The following LRRFIP1 variants were observed in gnomAD, a reference collection of about 807,000 sequenced individuals.
LRRFIP1 encodes LRR binding FLII interacting protein 1, also known as leucine-rich repeat flightless-interacting protein 1.
Under a neutral mutation model 104.4 loss-of-function variants are expected in LRRFIP1, and 62 were observed. The ratio of observed to expected loss-of-function variants is 0.59; its 90% CI spans 0.48 to 0.73. The LOEUF (loss-of-function observed/expected upper bound fraction) is 0.73, where lower values mean the gene tolerates loss of function less well. LRRFIP1 is among the 30% of genes least tolerant of loss of function. LRRFIP1 has a pLI of 0.00. For missense variants in LRRFIP1, 796 were observed against 824.5 expected (o/e 0.97, Z 0.42); for synonymous variants, 300 against 299.0 (o/e 1.00, Z -0.03).
intron 11 of LRRFIP1, among the ~76,000 whole-genome samples, chr2:237,742,877 G>T (rs2057304749): frequency 6.6e-6 from 1 of 152,150 alleles, no homozygotes; most frequent in Admixed American, 6.5e-5. Flanking sequence ...AGCAGGCAGT[G>T]CTCTGAGGCA....
At chr2:237,643,735 G>GATGAATGAATGAATGA (rs58632926) in intron 1 of LRRFIP1, among the ~76,000 whole-genome samples, 17 of 151,522 alleles carry the variant, frequency 1.1e-4, no homozygotes, top group African/African-American at 4.1e-4. Context: ...TACAGGAACA[G>GATGAATGAATGAATGA]ATGAATGAAT....
At chr2:237,671,466 G>C (rs78406444) in intron 1 of LRRFIP1, among the ~76,000 whole-genome samples, 26 of 152,192 alleles carry the variant, frequency 1.7e-4, no homozygotes, top group African/African-American at 5.8e-4. Flanking sequence ...AGTTGGAGAC[G>C]TTTAAATCAG....
rs142691595 is a variant in LRRFIP1, at chr2:237,757,333, G to C, written c.1132-123G>C. 3.2e-3 allele frequency: 2,026 copies of C among 639,866 alleles called. 28 individuals are homozygous for C. The East Asian group carries it at 0.038, about 12-fold the overall frequency. 39.6% of individuals were successfully genotyped at this position (639,866 alleles called of 1,614,324 possible). The stretch of plus-strand genomic sequence containing the variant: ...CTAGAATGCTGACAATGAGTTCAGG[G>C]TTGATGAGGTGAAAGAGTGCTTGCG... On this transcript the variant is annotated intron_variant, in intron 16 of 23. Coordinates refer to ENST00000308482, the MANE Select transcript of LRRFIP1 (RefSeq NM_001137550.2).
At chr2:237,664,207 G>A (rs930152544) in intron 1 of LRRFIP1, among the ~76,000 whole-genome samples, 3 of 152,252 alleles carry the variant, frequency 2.0e-5, no homozygotes, top group African/African-American at 4.8e-5. Context: ...GCTTAGTCCT[G>A]GCTGGGGCCG....
At chr2:237,679,010 C>G (rs911160504) in intron 1 of LRRFIP1, among the ~76,000 whole-genome samples, 1 of 152,170 alleles carries the variant, frequency 6.6e-6, no homozygotes, top group Non-Finnish European at 1.5e-5. Flanking sequence ...ACTTGCCCAG[C>G]GCTGAAGACT....
chr2:237,681,204 C>G (rs996315555), intron 1 of LRRFIP1, among the ~76,000 whole-genome samples: 2 of 152,140 alleles, frequency 1.3e-5, no homozygotes, highest in Non-Finnish European at 2.9e-5. Context: ...AGTCCAAGTT[C>G]CTTAACCTGC....
At chr2:237,632,095 C>T (rs985185491) in intron 1 of LRRFIP1, among the ~76,000 whole-genome samples, 2 of 152,036 alleles carry the variant, frequency 1.3e-5, no homozygotes, top group African/African-American at 4.8e-5. Flanking sequence ...TGAGCCACGG[C>T]CACACAGGAG....
intron 1 of LRRFIP1, among the ~76,000 whole-genome samples, chr2:237,647,452 A>G (rs7596620): frequency 0.52 from 79,022 of 151,798 alleles, 21,535 homozygotes; most frequent in African/African-American, 0.64. Context: ...AGAAAAGGGG[A>G]AAAAGAGCCC....
rs1186293273 is a variant in LRRFIP1 at position 237,711,971 on chromosome 2, G to A, written c.184-2288G>A. Among the ~76,000 whole-genome samples, 1 of 152,210 alleles carries A rather than the reference G, an allele frequency of 6.6e-6. No homozygotes were observed. Among genetic ancestry groups the A allele is most frequent in the African/African-American group, 2.4e-5 (1 of 41,462 alleles). Reference sequence around the variant, plus strand: ...GTCTTTGCAAGGCGGCAGCATTCCTGTTTAAAGTTTATGTCTGCTTCTTCA... The same window carrying A: ...GTCTTTGCAAGGCGGCAGCATTCCTATTTAAAGTTTATGTCTGCTTCTTCA... On this transcript the variant is annotated intron_variant, in intron 2 of 23. Coordinates refer to ENST00000308482, the MANE Select transcript of LRRFIP1 (RefSeq NM_001137550.2). This position sits in a 1 kb window ranked among gnomAD's most constrained non-coding sequence, Gnocchi z 4.4.
intron 10 of LRRFIP1, among the ~76,000 whole-genome samples, chr2:237,736,333 CAT>C (rs1275312640): frequency 1.3e-5 from 2 of 152,182 alleles, no homozygotes. Flanking sequence ...CACTATATAA[CAT>C]ATTTTTCCCA....
At chr2:237,669,359 G>C (rs1426435503) in intron 1 of LRRFIP1, among the ~76,000 whole-genome samples, 1 of 152,182 alleles carries the variant, frequency 6.6e-6, no homozygotes, top group Non-Finnish European at 1.5e-5. Flanking sequence ...ACAGGATTAA[G>C]TACTGTGATT....
Position 237,690,663 on chromosome 2 carries a change from G to A in LRRFIP1, c.97-17881G>A, listed in dbSNP as rs569497940. ...GAGGCAGGAGAATCGCTGGAACCCG[G>A]GAGGCAGAGGTCGCGGTGAGCCGAG... On this transcript the variant is annotated intron_variant, in intron 1 of 23. Transcript: ENST00000308482. Among the ~76,000 whole-genome samples, 109 of 151,806 alleles carry A rather than the reference G, an allele frequency of 7.2e-4. 1 individual carries two copies. The highest frequency in any genetic ancestry group is 1.6e-3 in the Admixed American group (24 of 15,234).
intron 1 of LRRFIP1, among the ~76,000 whole-genome samples, chr2:237,707,183 T>C (rs1053245151): frequency 2.6e-5 from 4 of 151,872 alleles, no homozygotes; most frequent in Non-Finnish European, 2.9e-5. Context: ...ATTTGTAATA[T>C]AGTGTAAGTC....
intron 1 of LRRFIP1, among the ~76,000 whole-genome samples, chr2:237,631,031 A>AG (rs1301963164): frequency 4.6e-5 from 7 of 152,184 alleles, no homozygotes. Context: ...CCTGTGGCAA[A>AG]GGGGGGTGGG....
intron 4 of LRRFIP1, among the ~76,000 whole-genome samples, chr2:237,718,808 G>A (rs963311322): frequency 6.6e-6 from 1 of 152,120 alleles, no homozygotes; most frequent in Admixed American, 6.5e-5. Context: ...CACACTTACT[G>A]TATTGAAAAT....
chr2:237,705,881 C>T (rs978870682), intron 1 of LRRFIP1, among the ~76,000 whole-genome samples: 5 of 152,188 alleles, frequency 3.3e-5, no homozygotes, highest in South Asian at 4.1e-4. Context: ...CTCAGCTCAT[C>T]GAGGCCCCCT....
chr2:237,701,430 G>T (rs1425756195), intron 1 of LRRFIP1, among the ~76,000 whole-genome samples: 4 of 152,236 alleles, frequency 2.6e-5, no homozygotes, highest in Non-Finnish European at 4.4e-5. Flanking sequence ...GCACATGTGG[G>T]CTAGGCCAGG....
chr2:237,694,988 C>A (rs1487965109), intron 1 of LRRFIP1, among the ~76,000 whole-genome samples: 3 of 152,134 alleles, frequency 2.0e-5, no homozygotes, highest in Non-Finnish European at 2.9e-5. Flanking sequence ...GGTACCTGGG[C>A]CAGGGTCCCC....
intron 1 of LRRFIP1, among the ~76,000 whole-genome samples, chr2:237,671,889 C>T (rs189167404): frequency 5.7e-4 from 84 of 147,658 alleles, no homozygotes; most frequent in African/African-American, 2.0e-3. Context: ...TACTAGATGC[C>T]CTCTCTAAGT....
Sources: gnomAD v4.1 joint callset for allele counts (sites outside exome capture counted in the v4.1 genomes callset) on GRCh38, gnomAD v4.1.1 for gene constraint, Gnocchi (gnomAD v3.1) non-coding constraint, MANE v1.5 for transcripts, NCBI Gene and HGNC (gene_info 2026-07-23, HGNC 2026-07-21) for gene names.